The following NECAB2 variants were observed in gnomAD, a reference collection of about 807,000 sequenced individuals.
NECAB2 encodes the protein N-terminal EF-hand calcium binding protein 2.
Under a neutral mutation model 51.9 loss-of-function variants are expected in NECAB2, and 68 were observed. That is an observed-to-expected ratio of 1.31 (90% CI 1.08 to 1.60). The LOEUF is 1.60. NECAB2 is among the 40% of genes most tolerant of loss of function. NECAB2 has a pLI of 0.00. For missense variants in NECAB2, 854 were observed against 490.3 expected, an observed-to-expected ratio of 1.74 and a Z score of -7.00; for synonymous variants, 329 against 203.5, an observed-to-expected ratio of 1.62 and a Z score of -5.25.
chr16:83,990,682 A>C (rs113835543), intron 6 of NECAB2, 52 bp downstream of exon 6: 2 of 1,595,810 alleles, frequency 1.3e-6, no homozygotes, highest in South Asian at 2.2e-5. Context: ...GTGCACGCGC[A>C]CGTGCCCACC....
chr16:83,992,377 T>TCCCCCCCCCCCCCCCCCCC (rs60014664), intron 6 of NECAB2, among the ~76,000 whole-genome samples: 1 of 133,046 alleles, frequency 7.5e-6, no homozygotes, highest in African/African-American at 3.2e-5. Context: ...CGAGCACCCG[T>TCCCCCCCCCCCCCCCCCCC]CCCCCCGCCC....
intron 1 of NECAB2, chr16:83,971,626 C>G (rs1410492742): frequency 1.9e-5 from 3 of 157,174 alleles, no homozygotes; most frequent in African/African-American, 7.2e-5. Context: ...TCCTGTTTCT[C>G]CTCCTGCACC....
rs111637074 is a variant in NECAB2, at chr16:83,981,154, G to GACCAGGGC, written c.459+27_459+28insACCAGGGC. On this transcript the variant is annotated intron_variant, in intron 5 of 12. Coordinates refer to ENST00000305202, the MANE Select transcript of NECAB2 (RefSeq NM_019065.3). ...TCAGTGGGTGTAGGTGGCCCCCGGG[G>GACCAGGGC]TCCAGGGCTCCAGTGCTGCTTCAGT... 198 of 1,571,532 alleles carry GACCAGGGC rather than the reference G, an allele frequency of 1.3e-4. 4 individuals are homozygous for GACCAGGGC. In the South Asian group the frequency reaches 2.1e-3, roughly 16 times the overall value.
In NECAB2 at chr16:84,001,934, G is replaced by T. The variant is rs755350223; in HGVS notation, c.1132+18G>T. The T allele has an allele frequency of 1.2e-6, 2 of 1,611,950 alleles. No individual in the cohort carries two copies. The highest frequency in any genetic ancestry group is 1.7e-6 in the Non-Finnish European group (2 of 1,178,648). On this transcript the variant is annotated intron_variant, in intron 12 of 12. Coordinates refer to ENST00000305202, the MANE Select transcript of NECAB2 (RefSeq NM_019065.3). ...GGTGCCAGGTAGGGGGCAAAGGCCT[G>T]GAACTGCAGTGGCCACCTGACTGGA...
Position 84,000,817 on chromosome 16 carries a change from C to A in NECAB2, c.1040+16C>A. 7 of 1,611,250 alleles carry A rather than the reference C, an allele frequency of 4.3e-6. No individual in the cohort carries two copies. The highest frequency in any genetic ancestry group is 5.9e-6 in the Non-Finnish European group (7 of 1,178,044). On this transcript the variant is annotated intron_variant, in intron 11 of 12. Coordinates refer to ENST00000305202, the MANE Select transcript of NECAB2 (RefSeq NM_019065.3). ...CGTGGAAGAGGTGAGATGCTGGGTCCCCACAGCAGGTGAGGGAGACAGAGG... is the reference window on the plus strand; with the variant it reads ...CGTGGAAGAGGTGAGATGCTGGGTCACCACAGCAGGTGAGGGAGACAGAGG...
chr16:83,968,524 G>C lies in NECAB2; in HGVS notation c.-125G>C. The C allele has an allele frequency of 1.2e-6, 1 of 808,128 alleles. No homozygotes were observed. The highest frequency in any genetic ancestry group is 1.5e-6 in the Non-Finnish European group (1 of 671,204). The allele number at this position is 808,128 out of a possible 1,614,324, so 50.1% of individuals were successfully genotyped here. On this transcript the variant is annotated 5_prime_UTR_variant, in exon 1 of 13. Coordinates refer to ENST00000305202, the MANE Select transcript of NECAB2 (RefSeq NM_019065.3). Reference sequence around the variant, plus strand: ...CCGGCCAGTCCCCGCGGTGTCCGCGGCCGCGGGGGCAGCGGGAGAGAGGGC... The same window carrying C: ...CCGGCCAGTCCCCGCGGTGTCCGCGCCCGCGGGGGCAGCGGGAGAGAGGGC...
At chr16:83,994,836 G>C (rs575767541) in intron 8 of NECAB2, 148 bp downstream of exon 8, 2 of 925,118 alleles carry the variant, frequency 2.2e-6, no homozygotes, top group East Asian at 2.7e-5. Flanking sequence ...TGGAGCTGCC[G>C]AGGACGAAGC....
intron 10 of NECAB2, among the ~76,000 whole-genome samples, chr16:83,999,598 C>T (rs2084780532): frequency 6.6e-6 from 1 of 152,134 alleles, no homozygotes; most frequent in Non-Finnish European, 1.5e-5. Flanking sequence ...TTGGCCCCCG[C>T]TTTATGGTCA....
At chr16:83,968,883 C>T (rs771520508) in intron 1 of NECAB2, 34 bp downstream of exon 1, 3 of 1,095,310 alleles carry the variant, frequency 2.7e-6, no homozygotes, top group East Asian at 5.2e-5. Flanking sequence ...CCCGCCGTGG[C>T]CTCCGCTGGG....
At chr16:83,975,515 C>T (rs2665292) in intron 2 of NECAB2, among the ~76,000 whole-genome samples, 16,297 of 152,028 alleles carry the variant, frequency 0.11, 1,236 homozygotes, top group African/African-American at 0.21. Context: ...ACTCAAAGGA[C>T]CCCCCAGGCT....
At chr16:83,993,813 G>A (rs747230211) in intron 6 of NECAB2, among the ~76,000 whole-genome samples, 15 of 152,136 alleles carry the variant, frequency 9.9e-5, no homozygotes, top group African/African-American at 2.2e-4. Context: ...GTTACATCCC[G>A]ACTGTCAGTG....
chr16:83,973,282 C>T (rs1415977280), intron 2 of NECAB2, among the ~76,000 whole-genome samples: 1 of 152,148 alleles, frequency 6.6e-6, no homozygotes, highest in Non-Finnish European at 1.5e-5. Flanking sequence ...TCTCCAGCAC[C>T]CGCCTCATCC....
rs1429210181 is a variant in NECAB2, at chr16:83,998,131, A to C, written c.850-74A>C. On this transcript the variant is annotated intron_variant, in intron 9 of 12. Transcript: ENST00000305202. Reference sequence around the variant, plus strand: ...TTATTTTGACCGAGGAAGGGAGGTCATGGGGGCCTGATGGGGTGTTTAGGG... The same window carrying C: ...TTATTTTGACCGAGGAAGGGAGGTCCTGGGGGCCTGATGGGGTGTTTAGGG... 59 of 1,347,998 alleles carry C rather than the reference A, an allele frequency of 4.4e-5. 1 individual carries two copies. Among genetic ancestry groups the C allele is most frequent in the South Asian group, 4.0e-4 (33 of 82,322 alleles). 83.5% of individuals were successfully genotyped at this position (1,347,998 alleles called of 1,614,324 possible). A position where few individuals can be genotyped will look rare whatever the true frequency, so the allele number is the denominator to read the frequency against.
At chr16:83,977,575 A>G (rs950999356) in intron 2 of NECAB2, among the ~76,000 whole-genome samples, 12 of 152,094 alleles carry the variant, frequency 7.9e-5, no homozygotes, top group Non-Finnish European at 1.8e-4. Flanking sequence ...ATCCCTCCAC[A>G]GAGCCCCTCC....
rs1011857409 is a variant in NECAB2, at chr16:84,002,528, A to C, written c.*182A>C. 4 of 766,864 alleles carry C rather than the reference A, an allele frequency of 5.2e-6. No homozygotes were observed. Among genetic ancestry groups the C allele is most frequent in the Admixed American group, 2.4e-5 (1 of 42,532 alleles). 47.5% of individuals were successfully genotyped at this position (766,864 alleles called of 1,614,324 possible). A position where few individuals can be genotyped will look rare whatever the true frequency, so the allele number is the denominator to read the frequency against. On this transcript the variant is annotated 3_prime_UTR_variant, in exon 13 of 13. Transcript: ENST00000305202. ...CTGCCCCCACCTGAGAAGGCAGAGC[A>C]GTGTCTGTGCTGCCAGGTCCTGGTG...
At chr16:83,994,173 C>G in intron 6 of NECAB2, 129 bp from the exon 7 acceptor site, 1 of 820,578 alleles carries the variant, frequency 1.2e-6, no homozygotes, top group Admixed American at 2.4e-5. Flanking sequence ...AAAACAAAGG[C>G]CATGATGCAA....
intron 11 of NECAB2, 91 bp from the exon 12 acceptor site, chr16:84,001,734 C>T (rs985613264): frequency 7.2e-7 from 1 of 1,391,198 alleles, no homozygotes; most frequent in South Asian, 1.2e-5. Flanking sequence ...GATAAGCTCC[C>T]CATTTTGGGC....
At chr16:84,002,297 A>G (rs749875078) in intron 12 of NECAB2, 21 bp from the exon 13 acceptor site, 2 of 1,613,552 alleles carry the variant, frequency 1.2e-6, no homozygotes, top group East Asian at 2.2e-5. Context: ...CCTTCCCTCT[A>G]ACGTGTCTCT....
At chr16:83,995,794 C>T (rs1474460300) in intron 8 of NECAB2, among the ~76,000 whole-genome samples, 1 of 152,352 alleles carries the variant, frequency 6.6e-6, no homozygotes, top group South Asian at 2.1e-4. Context: ...GAAGCTCAAA[C>T]TTCCCCTCCT....
Sources: gnomAD v4.1 joint callset for allele counts (sites outside exome capture counted in the v4.1 genomes callset) on GRCh38, gnomAD v4.1.1 for gene constraint, MANE v1.5 for transcripts, NCBI Gene and HGNC (gene_info 2026-07-23, HGNC 2026-07-21) for gene names.